Variants in DSCAML1 observed in about 807,000 individuals in gnomAD.
The protein encoded by DSCAML1 is DS cell adhesion molecule like 1.
In DSCAML1, 38 loss-of-function variants were observed where a neutral mutation model predicts 200.5. The ratio of observed to expected loss-of-function variants is 0.19; its 90% CI spans 0.15 to 0.25. The LOEUF is 0.25. Among genes scored for constraint, DSCAML1 ranks in the 10% least tolerant of loss-of-function variants. The probability of loss-of-function intolerance (pLI) is 1.00; values close to 1 mark genes in which losing one functional copy is unlikely to be tolerated. For missense variants in DSCAML1, 2,223 were observed against 2,858.8 expected, an observed-to-expected ratio of 0.78 and a Z score of 5.07; for synonymous variants, 1,215 against 1,165.0, an observed-to-expected ratio of 1.04 and a Z score of -0.87.
chr11:117,435,191 A>C (rs1196538223), intron 27 of DSCAML1, among the ~76,000 whole-genome samples: 1 of 152,228 alleles, frequency 6.6e-6, no homozygotes, highest in African/African-American at 2.4e-5. Context: ...AAAATATTTA[A>C]CACCTGACAT....
chr11:117,789,729 G>C (rs1300134796), intron 1 of DSCAML1, among the ~76,000 whole-genome samples: 1 of 152,156 alleles, frequency 6.6e-6, no homozygotes, highest in Non-Finnish European at 1.5e-5. Flanking sequence ...AAGTGGAAGA[G>C]GGCTTTGCCT....
intron 3 of DSCAML1, among the ~76,000 whole-genome samples, chr11:117,554,525 A>G (rs898574632): frequency 6.6e-6 from 1 of 151,992 alleles, no homozygotes; most frequent in Non-Finnish European, 1.5e-5. Context: ...TACAGGTGGG[A>G]ACAACCACAC....
At chr11:117,803,538 GTA>G (rs2055680825) in intron 1 of DSCAML1, among the ~76,000 whole-genome samples, 1 of 151,622 alleles carries the variant, frequency 6.6e-6, no homozygotes, top group African/African-American at 2.4e-5. Context: ...GATCATATTT[GTA>G]TCTAATTTTG....
At chr11:117,667,222 G>A (rs928550851) in intron 3 of DSCAML1, among the ~76,000 whole-genome samples, 34 of 152,262 alleles carry the variant, frequency 2.2e-4, no homozygotes, top group African/African-American at 7.9e-4. Context: ...GACCAGCCTG[G>A]CCAACATGGT....
chr11:117,765,492 G>A (rs60865349), intron 3 of DSCAML1, among the ~76,000 whole-genome samples: 139 of 152,288 alleles, frequency 9.1e-4, no homozygotes, highest in African/African-American at 3.0e-3. Context: ...GAGCAGCAGT[G>A]TCTGCCCTCC....
intron 3 of DSCAML1, among the ~76,000 whole-genome samples, chr11:117,758,714 T>C (rs1241333487): frequency 6.6e-6 from 1 of 152,146 alleles, no homozygotes; most frequent in African/African-American, 2.4e-5. Flanking sequence ...CAGAACTCTT[T>C]ATTGCCATCT....
chr11:117,800,899 A>G (rs554004088), upstream of DSCAML1: 5 of 152,200 alleles, frequency 3.3e-5, no homozygotes, highest in Non-Finnish European at 5.9e-5. Context: ...TATATTTTGG[A>G]TACTTTTCTT....
intron 3 of DSCAML1, among the ~76,000 whole-genome samples, chr11:117,705,344 T>C (rs998398759): frequency 2.6e-5 from 4 of 152,224 alleles, no homozygotes; most frequent in Non-Finnish European, 5.9e-5. Context: ...AATGTTGTTT[T>C]TCTTTTAAGT....
At chr11:117,538,366 C>G in intron 3 of DSCAML1, among the ~76,000 whole-genome samples, 1 of 152,310 alleles carries the variant, frequency 6.6e-6, no homozygotes, top group East Asian at 1.9e-4. Context: ...ATGAAAGTCC[C>G]CAGCACGTGG....
intron 3 of DSCAML1, among the ~76,000 whole-genome samples, chr11:117,770,928 G>A (rs570249586): frequency 6.6e-6 from 1 of 152,352 alleles, no homozygotes; most frequent in South Asian, 2.1e-4. Context: ...GGTGCCCCAT[G>A]AGTAGTTAAA....
Position 117,428,670 on chromosome 11 carries a change from C to G in DSCAML1, c.5820G>C (p.Gln1940His), listed in dbSNP as rs1296851830. 6.2e-7 allele frequency: 1 copy of G among 1,612,730 alleles called. No individual in the cohort carries two copies. The highest frequency in any genetic ancestry group is 1.7e-5 in the Admixed American group (1 of 59,886). Reference protein sequence around the residue: ...IRNLARTYHTQARHLTLDPAS... With the variant: ...IRNLARTYHTHARHLTLDPAS... ...CAGGGTCCAGGGTCAGGTGGCGAGC[C>G]TGGGTGTGGTAGGTTCGAGCCAGGT... is the stretch of plus-strand genomic sequence containing the variant. Residue 1940 changes from glutamine to histidine, a missense_variant, in exon 33 of 33, where the codon CAG (glutamine) becomes CAC (histidine). By Grantham distance (24) the Gln-to-His change is conservative. Around this residue, in one of 7 missense-constraint regions of DSCAML1, gnomAD observed 280 missense variants for 213.4 expected, o/e 1.31. Transcript: ENST00000651296.
Position 117,518,463 on chromosome 11 carries a change from C to T in DSCAML1, c.1510+3G>A. On this transcript the variant is annotated splice_donor_region_variant and intron_variant, in intron 7 of 32. Coordinates refer to ENST00000651296, the MANE Select transcript of DSCAML1 (RefSeq NM_020693.4). The surrounding 1 kb of genome is among the most constrained non-coding windows in gnomAD (Gnocchi z 6.3). The stretch of plus-strand genomic sequence containing the variant: ...ATTCTGATATTTAAATGTAGACAGG[C>T]ACCTCTTACGTTTATTCGCGCCTGA... 6.2e-7 allele frequency: 1 copy of T among 1,614,158 alleles called. No individual in the cohort carries two copies. The highest frequency in any genetic ancestry group is 8.5e-7 in the Non-Finnish European group (1 of 1,180,038).
chr11:117,703,337 T>C (rs542231027), intron 3 of DSCAML1, among the ~76,000 whole-genome samples: 1 of 152,332 alleles, frequency 6.6e-6, no homozygotes, highest in South Asian at 2.1e-4. Context: ...TTCCTCCCTC[T>C]GGAATTCTTT....
At chr11:117,514,878 G>A (rs888299955) in intron 8 of DSCAML1, among the ~76,000 whole-genome samples, 2 of 152,212 alleles carry the variant, frequency 1.3e-5, no homozygotes, top group African/African-American at 2.4e-5. Context: ...CACTGCACCC[G>A]GCCTTTCTTA....
chr11:117,437,843 C>T lies in DSCAML1; in HGVS notation c.4432+52G>A, dbSNP rs2047952118. 1 of 1,524,450 alleles carries T rather than the reference C, an allele frequency of 6.6e-7. No individual in the cohort carries two copies. The highest frequency in any genetic ancestry group is 1.4e-5 in the African/African-American group (1 of 73,520). The allele number at this position is 1,524,450 out of a possible 1,614,324, so 94.4% of individuals were successfully genotyped here. ...CACCCCATACCTGGCCCCTCTAGCC[C>T]ACCCTCCCTGGGCCCATCGCTCCTT... is the stretch of plus-strand genomic sequence containing the variant. On this transcript the variant is annotated intron_variant, in intron 25 of 32. Transcript: ENST00000651296. The surrounding 1 kb of genome is among the most constrained non-coding windows in gnomAD (Gnocchi z 5.3).
In DSCAML1 at chr11:117,489,546, C is replaced by T. The variant is rs1005387054; in HGVS notation, c.2360-7384G>A. 5.4e-4 allele frequency among the ~76,000 whole-genome samples: 82 copies of T among 152,196 alleles called. No individual in the cohort carries two copies. The highest frequency in any genetic ancestry group is 1.5e-3 in the African/African-American group (64 of 41,448). On this transcript the variant is annotated intron_variant, in intron 11 of 32. Coordinates refer to ENST00000651296, the MANE Select transcript of DSCAML1 (RefSeq NM_020693.4). This position sits in a 1 kb window ranked among gnomAD's most constrained non-coding sequence, Gnocchi z 4.8. ...GGGTGAGCTCCTTCTCAATACACAG[C>T]TCCTTCCTATACAGCAGCTTTAGGT...
At chr11:117,706,671 G>A (rs887798249) in intron 3 of DSCAML1, among the ~76,000 whole-genome samples, 4 of 152,208 alleles carry the variant, frequency 2.6e-5, no homozygotes, top group African/African-American at 9.7e-5. Context: ...TGGGGAGGAA[G>A]GAGGCCTAGC....
intron 3 of DSCAML1, among the ~76,000 whole-genome samples, chr11:117,631,165 T>C (rs1351384250): frequency 6.6e-6 from 1 of 152,232 alleles, no homozygotes; most frequent in Non-Finnish European, 1.5e-5. Flanking sequence ...GCTGGACTCA[T>C]AGCCCTATAG....
chr11:117,770,671 T>TA (rs5795106), intron 3 of DSCAML1, among the ~76,000 whole-genome samples: 19,870 of 148,818 alleles, frequency 0.13, 1,446 homozygotes, highest in African/African-American at 0.19. Context: ...AACACAGACC[T>TA]AAAAAAAAAA....
Sources: gnomAD v4.1 joint callset for allele counts (sites outside exome capture counted in the v4.1 genomes callset) on GRCh38, gnomAD v4.1.1 for gene constraint, gnomAD v4.1.1 regional missense constraint, Gnocchi (gnomAD v3.1) non-coding constraint, MANE v1.5 for transcripts, NCBI Gene and HGNC (gene_info 2026-07-23, HGNC 2026-07-21) for gene names.